BFSP2: variants seen among roughly 807,000 people sequenced by gnomAD.
BFSP2 encodes beaded filament structural protein 2.
Under a neutral mutation model 44.9 loss-of-function variants are expected in BFSP2, and 38 were observed. The observed-to-expected ratio is 0.85, with a 90% CI of 0.65 to 1.11. BFSP2 has a LOEUF of 1.11. BFSP2 is among the 50% of genes least tolerant of loss of function. BFSP2 has a pLI of 0.00. For missense variants in BFSP2, 525 were observed against 533.0 expected (o/e 0.99, Z 0.15); for synonymous variants, 197 against 209.9 (o/e 0.94, Z 0.53).
chr3:133,416,532 T>C (rs1300503577), intron 1 of BFSP2, among the ~76,000 whole-genome samples: 1 of 137,584 alleles, frequency 7.3e-6, no homozygotes, highest in Non-Finnish European at 1.5e-5. Flanking sequence ...TTCTCTCCCC[T>C]CTACTCATCC....
At chr3:133,416,012 G>A (rs111488433) in intron 1 of BFSP2, among the ~76,000 whole-genome samples, 817 of 76,348 alleles carry the variant, frequency 0.011, 16 homozygotes, top group African/African-American at 0.041. Context: ...TATTCACCCC[G>A]TCCTCTCCCC....
chr3:133,425,780 A>AAAGGGAAAGGGAAAGGG (rs2073639500), intron 1 of BFSP2, among the ~76,000 whole-genome samples: 1 of 107,762 alleles, frequency 9.3e-6, no homozygotes, highest in African/African-American at 6.4e-5. Flanking sequence ...AGGGAAAGGG[A>AAAGGGAAAGGGAAAGGG]AAGGGAAGGG....
rs1377942131 is a variant in BFSP2 at position 133,416,249 on chromosome 3, TCCCCTGTCCTCTCTCCTCTACTCA to T, written c.489+15690_489+15713del. ...CACCCCTCTACTCAACCCTGCCCTC[TCCCCTGTCCTCTCTCCTCTACTCA>T]CCCCTGTCCTCTGCCCTCTACTCAA... On this transcript the variant is annotated intron_variant, in intron 1 of 6. Coordinates refer to ENST00000302334, the MANE Select transcript of BFSP2 (RefSeq NM_003571.4). Among the ~76,000 whole-genome samples the T allele has an allele frequency of 5.9e-3, 638 of 107,756 alleles. 5 individuals are homozygous for T. The highest frequency in any genetic ancestry group is 0.023 in the African/African-American group (607 of 26,778). 70.7% of individuals were successfully genotyped at this position (107,756 alleles called of 152,430 possible).
intron 1 of BFSP2, among the ~76,000 whole-genome samples, chr3:133,435,486 T>C (rs937287562): frequency 6.6e-6 from 1 of 152,234 alleles, no homozygotes; most frequent in Non-Finnish European, 1.5e-5. Context: ...TCATCTCTTG[T>C]TACAATTCCT....
rs752717135 is a variant in BFSP2, at chr3:133,400,077, AGG to A, written c.-4_-3del. 118 of 1,614,054 alleles carry A rather than the reference AGG, an allele frequency of 7.3e-5. No homozygotes were observed. The African/African-American group carries it at 1.3e-3, about 18-fold the overall frequency. On this transcript the variant is annotated 5_prime_UTR_variant, in exon 1 of 7. Coordinates refer to ENST00000302334, the MANE Select transcript of BFSP2 (RefSeq NM_003571.4). The surrounding 1 kb of genome is among the most constrained non-coding windows in gnomAD (Gnocchi z 4.0). The stretch of plus-strand genomic sequence containing the variant: ...ACCCACTGGGCACCACAGAGGCAGA[AGG>A]GGTGATGAGTGAGAGGCGAGTGGTA...
intron 1 of BFSP2, among the ~76,000 whole-genome samples, chr3:133,443,480 G>T (rs772952919): frequency 6.6e-6 from 1 of 152,196 alleles, no homozygotes; most frequent in African/African-American, 2.4e-5. Flanking sequence ...GTAGGAGGAA[G>T]TCCAGAGAGA....
chr3:133,475,104 G>T lies in BFSP2; in HGVS notation c.*132G>T. The T allele has an allele frequency of 7.5e-7, 1 of 1,330,690 alleles. No individual in the cohort carries two copies. 82.4% of individuals were successfully genotyped at this position (1,330,690 alleles called of 1,614,324 possible). ...TGGTTAATTCAGCTTGAGCTGAAAAGCTTCCTGGAAGTGGAGAGGATCCTT... is the reference window on the plus strand; with the variant it reads ...TGGTTAATTCAGCTTGAGCTGAAAATCTTCCTGGAAGTGGAGAGGATCCTT... On this transcript the variant is annotated 3_prime_UTR_variant, in exon 7 of 7. Transcript: ENST00000302334.
At chr3:133,466,214 G>A (rs1187572979) in intron 4 of BFSP2, among the ~76,000 whole-genome samples, 4 of 152,062 alleles carry the variant, frequency 2.6e-5, no homozygotes, top group Non-Finnish European at 5.9e-5. Flanking sequence ...ACTATTTCTG[G>A]AAAGAGGAAT....
At chr3:133,452,937 C>T (rs2073978960) in intron 4 of BFSP2, among the ~76,000 whole-genome samples, 1 of 152,200 alleles carries the variant, frequency 6.6e-6, no homozygotes, top group South Asian at 2.1e-4. Context: ...ATCTCCTCCT[C>T]ACCCCTTGGA....
intron 1 of BFSP2, among the ~76,000 whole-genome samples, chr3:133,416,796 C>CCCTCTCCCTTCTATTCAACCCTGT (rs2073536774): frequency 7.9e-6 from 1 of 127,294 alleles, no homozygotes; most frequent in African/African-American, 3.3e-5. Context: ...CTCACCCCTG[C>CCCTCTCCCTTCTATTCAACCCTGT]CCTCTCCCTT....
rs2107871831 is a variant in BFSP2, at chr3:133,400,832, G to A, written c.489+260G>A. Among the ~76,000 whole-genome samples, 1 of 152,266 alleles carries A rather than the reference G, an allele frequency of 6.6e-6. No individual in the cohort carries two copies. The highest frequency in any genetic ancestry group is 2.4e-5 in the African/African-American group (1 of 41,562). On this transcript the variant is annotated intron_variant, in intron 1 of 6. Coordinates refer to ENST00000302334, the MANE Select transcript of BFSP2 (RefSeq NM_003571.4). The surrounding 1 kb of genome is among the most constrained non-coding windows in gnomAD (Gnocchi z 4.0). ...CTATGCAGTGGATCATTCACTGATT[G>A]CATTTTTCAGATGAGAAACTGAGGC... is the stretch of plus-strand genomic sequence containing the variant.
At chr3:133,437,965 T>TA (rs1156853742) in intron 1 of BFSP2, among the ~76,000 whole-genome samples, 1 of 152,222 alleles carries the variant, frequency 6.6e-6, no homozygotes, top group African/African-American at 2.4e-5. Context: ...GCATAGTAAT[T>TA]AAACTGATTT....
intron 1 of BFSP2, among the ~76,000 whole-genome samples, chr3:133,427,700 C>T (rs2073666696): frequency 6.6e-6 from 1 of 152,198 alleles, no homozygotes; most frequent in East Asian, 1.9e-4. Context: ...CTAAACTGTC[C>T]ATTACGTCCC....
chr3:133,409,227 GGTGT>G (rs56156448), intron 1 of BFSP2, among the ~76,000 whole-genome samples: 67 of 148,598 alleles, frequency 4.5e-4, no homozygotes, highest in African/African-American at 1.4e-3. Flanking sequence ...TTCTGACACT[GGTGT>G]GTGTGTGTGT....
intron 3 of BFSP2, among the ~76,000 whole-genome samples, chr3:133,449,978 AAGGAAAGG>A (rs1367496829): frequency 4.7e-5 from 3 of 64,220 alleles, no homozygotes; most frequent in East Asian, 4.7e-4. Context: ...AGAAGGAAAG[AAGGAAAGG>A]AAGGAAGGAA....
intron 4 of BFSP2, among the ~76,000 whole-genome samples, chr3:133,462,753 ATTTC>A (rs1247883569): frequency 6.6e-6 from 1 of 152,218 alleles, no homozygotes; most frequent in Non-Finnish European, 1.5e-5. Flanking sequence ...ATGACTTGCT[ATTTC>A]TTGGAAAATT....
At chr3:133,410,588 A>G in intron 1 of BFSP2, 1 of 285,182 alleles carries the variant, frequency 3.5e-6, no homozygotes, top group Non-Finnish European at 7.2e-6. Context: ...TATCTTTTCC[A>G]AGTGGGCAGC....
In BFSP2 at chr3:133,450,481, G is replaced by T; in HGVS notation, c.891+17G>T. On this transcript the variant is annotated intron_variant, in intron 4 of 6. Transcript: ENST00000302334. Reference sequence around the variant, plus strand: ...CAAGCTAAGGTGAGAGGCAGGACCAGCATCCTCCACTCTGCCCTATGCAGA... The same window carrying T: ...CAAGCTAAGGTGAGAGGCAGGACCATCATCCTCCACTCTGCCCTATGCAGA... The T allele has an allele frequency of 6.2e-7, 1 of 1,613,696 alleles. No individual in the cohort carries two copies. The highest frequency in any genetic ancestry group is 8.5e-7 in the Non-Finnish European group (1 of 1,179,966).
At chr3:133,408,514 G>A (rs964948082) in intron 1 of BFSP2, among the ~76,000 whole-genome samples, 1 of 152,194 alleles carries the variant, frequency 6.6e-6, no homozygotes, top group Non-Finnish European at 1.5e-5. Context: ...CCTGTTTCTA[G>A]GACACACTCC....
Sources: allele counts gnomAD v4.1 joint callset (sites outside exome capture counted in the v4.1 genomes callset), GRCh38; gene constraint gnomAD v4.1.1; non-coding constraint Gnocchi (gnomAD v3.1); transcripts MANE v1.5; gene names NCBI Gene and HGNC (gene_info 2026-07-23, HGNC 2026-07-21).